The following HMCN1 variants were observed in gnomAD, a reference collection of about 807,000 sequenced individuals.
The protein encoded by HMCN1 is hemicentin 1.
In HMCN1, 321 loss-of-function variants were observed where a neutral mutation model predicts 625.9. The observed-to-expected ratio is 0.51, with a 90% confidence interval of 0.47 to 0.56. The LOEUF (loss-of-function observed/expected upper bound fraction) is 0.56, where lower values mean the gene tolerates loss of function less well. HMCN1 is among the 20% of genes least tolerant of loss of function. The probability of loss-of-function intolerance (pLI) is 0.00; values close to 1 mark genes in which losing one functional copy is unlikely to be tolerated. For missense variants in HMCN1, 6,588 were observed against 6,887.3 expected, an observed-to-expected ratio of 0.96 and a Z score of 1.54; for synonymous variants, 2,425 against 2,417.6, an observed-to-expected ratio of 1.00 and a Z score of -0.09.
rs187384863 is a variant in HMCN1, at chr1:186,147,793, A to C, written c.14608+1870A>C. Among the ~76,000 whole-genome samples the C allele has an allele frequency of 2.3e-3, 353 of 151,426 alleles. 4 individuals are homozygous for C. The highest frequency in any genetic ancestry group is 8.3e-3 in the African/African-American group (337 of 40,810). ...ATTTTAAAATACTTTATTGCTAAAA[A>C]ATGCTAATGATTATCTGAGCCTTCA... On this transcript the variant is annotated intron_variant, in intron 93 of 106. Coordinates refer to ENST00000271588, the MANE Select transcript of HMCN1 (RefSeq NM_031935.3).
intron 40 of HMCN1, among the ~76,000 whole-genome samples, chr1:186,045,138 GA>G (rs1450195497): frequency 6.6e-6 from 1 of 152,124 alleles, no homozygotes; most frequent in Non-Finnish European, 1.5e-5. Context: ...CTGCAAGTCA[GA>G]AGGCTCCTAG....
chr1:185,816,333 A>G lies in HMCN1; in HGVS notation c.269-29693A>G, dbSNP rs80221921. ...CTGGGTGTTGAAGTACTCAGGGACT[A>G]CTCTTTGTACTTTGGGGATGTTTGT... On this transcript the variant is annotated intron_variant, in intron 1 of 106. Coordinates refer to ENST00000271588, the MANE Select transcript of HMCN1 (RefSeq NM_031935.3). Among the ~76,000 whole-genome samples the G allele has an allele frequency of 2.0e-3, 302 of 152,262 alleles. 4 individuals are homozygous for G. Among genetic ancestry groups the G allele is most frequent in the African/African-American group, 7.1e-3 (295 of 41,558 alleles).
At chr1:185,736,789 T>G (rs1337827603) in intron 1 of HMCN1, among the ~76,000 whole-genome samples, 1 of 152,182 alleles carries the variant, frequency 6.6e-6, no homozygotes, top group Non-Finnish European at 1.5e-5. Context: ...GATTTAAAGT[T>G]GGGGAAACTT....
At chr1:185,938,408 T>C (rs1203610519) in intron 11 of HMCN1, among the ~76,000 whole-genome samples, 2 of 152,170 alleles carry the variant, frequency 1.3e-5, no homozygotes, top group Non-Finnish European at 2.9e-5. Context: ...TGACTTCTTA[T>C]GCTAAAAGTT....
In HMCN1 at chr1:186,046,405, G is replaced by C. The variant is rs1448995419; in HGVS notation, c.6480+542G>C. 3.9e-5 allele frequency among the ~76,000 whole-genome samples: 6 copies of C among 152,070 alleles called. No individual in the cohort carries two copies. In the East Asian group the frequency reaches 1.2e-3, roughly 29 times the overall value. The stretch of plus-strand genomic sequence containing the variant: ...AACTGCCTGAACCCGGGAGGTGGAG[G>C]TTGCAGTAAGCCAAGATCACACCAC... On this transcript the variant is annotated intron_variant, in intron 41 of 106. Transcript: ENST00000271588.
At position 185,781,661 on chromosome 1, in the gene HMCN1, A is replaced by G. The variant is rs553222116; in HGVS notation, c.268+46614A>G. Among the ~76,000 whole-genome samples the G allele has an allele frequency of 2.8e-4, 43 of 152,262 alleles. No homozygotes were observed. The South Asian group carries it at 8.7e-3, about 31-fold the overall frequency. ...GTTTCCATGTAGTTGAGCCATTTTG[A>G]GTGAGTTTCTTAATCCTGAGTTCTT... On this transcript the variant is annotated intron_variant, in intron 1 of 106. Transcript: ENST00000271588.
At chr1:185,846,398 G>A (rs1421449504) in intron 2 of HMCN1, among the ~76,000 whole-genome samples, 1 of 152,112 alleles carries the variant, frequency 6.6e-6, no homozygotes, top group East Asian at 1.9e-4. Context: ...GCTGACCCCT[G>A]CTCTACATAA....
rs1256636852 is a variant in HMCN1 at position 186,000,002 on chromosome 1, G to GT, written c.3875-38dup. On this transcript the variant is annotated intron_variant, in intron 25 of 106. Coordinates refer to ENST00000271588, the MANE Select transcript of HMCN1 (RefSeq NM_031935.3). Reference sequence around the variant, plus strand: ...ATATATTTGATATTTAATAATTTCTGTTTTTGTTGTAAAATATCACAAGAC... The same window carrying GT: ...ATATATTTGATATTTAATAATTTCTGTTTTTTGTTGTAAAATATCACAAGAC... 3 of 1,372,788 alleles carry GT rather than the reference G, an allele frequency of 2.2e-6. No homozygotes were observed. The South Asian group carries it at 3.7e-5, about 17-fold the overall frequency. 85.0% of individuals were successfully genotyped at this position (1,372,788 alleles called of 1,614,324 possible).
At chr1:185,921,448 T>C (rs1667000651) in intron 6 of HMCN1, among the ~76,000 whole-genome samples, 1 of 152,208 alleles carries the variant, frequency 6.6e-6, no homozygotes, top group Admixed American at 6.5e-5. Context: ...CTGGTAACCA[T>C]GGTGTGTGAA....
At chr1:185,836,227 C>G (rs1661166011) in intron 1 of HMCN1, among the ~76,000 whole-genome samples, 1 of 152,034 alleles carries the variant, frequency 6.6e-6, no homozygotes, top group Admixed American at 6.6e-5. Context: ...CAACATGAAG[C>G]TTGTATGTGA....
chr1:185,911,334 T>G (rs1436400015), intron 5 of HMCN1, among the ~76,000 whole-genome samples: 2 of 152,174 alleles, frequency 1.3e-5, no homozygotes, highest in African/African-American at 2.4e-5. Flanking sequence ...CATTTGATGA[T>G]CAAGTCAGCA....
At position 186,190,325 on chromosome 1, in the gene HMCN1, T is replaced by TAAC. The variant is rs1653642984; in HGVS notation, c.*448_*450dup. The TAAC allele has an allele frequency of 4.6e-6, 1 of 215,382 alleles. No individual in the cohort carries two copies. 13.3% of individuals were successfully genotyped at this position (215,382 alleles called of 1,614,324 possible). ...AGTATTTTGATCAAAGCTTATAAAA[T>TAAC]AACTTACGGAGATTTTTGTAAGTAT... On this transcript the variant is annotated 3_prime_UTR_variant, in exon 107 of 107. Coordinates refer to ENST00000271588, the MANE Select transcript of HMCN1 (RefSeq NM_031935.3).
intron 24 of HMCN1, among the ~76,000 whole-genome samples, chr1:185,996,137 A>T (rs186774631): frequency 5.3e-5 from 8 of 152,300 alleles, no homozygotes; most frequent in Admixed American, 4.6e-4. Flanking sequence ...ATGTAATTAG[A>T]CATTGGTTAT....
At chr1:185,745,953 A>G (rs1284986775) in intron 1 of HMCN1, among the ~76,000 whole-genome samples, 2 of 152,386 alleles carry the variant, frequency 1.3e-5, no homozygotes, top group African/African-American at 4.8e-5. Context: ...AGGGAAGTTC[A>G]TTATGGACTC....
At chr1:186,070,886 C>T in intron 52 of HMCN1, 129 bp downstream of exon 52, 1 of 914,612 alleles carries the variant, frequency 1.1e-6, no homozygotes, top group South Asian at 1.5e-5. Context: ...AAATGCCATG[C>T]TCCTAGAATC....
At chr1:185,853,043 G>C (rs2102332734) in intron 2 of HMCN1, among the ~76,000 whole-genome samples, 1 of 152,068 alleles carries the variant, frequency 6.6e-6, no homozygotes, top group East Asian at 1.9e-4. Context: ...TTCCTTTATT[G>C]CTTCGCTACT....
At chr1:185,849,038 A>G (rs577399238) in intron 2 of HMCN1, among the ~76,000 whole-genome samples, 14 of 152,228 alleles carry the variant, frequency 9.2e-5, no homozygotes, top group South Asian at 4.1e-4. Flanking sequence ...GCCTTGTACC[A>G]TATCTACTTG....
intron 20 of HMCN1, 25 bp from the exon 21 acceptor site, chr1:185,989,436 TTGAAACAAACAAACAAACAAAAAACCC>T (rs1652249595): frequency 1.2e-6 from 2 of 1,603,418 alleles, no homozygotes; most frequent in East Asian, 4.5e-5. Flanking sequence ...TTTTATAATC[TTGAAACAAACAAACAAACAAAAAACCC>T]TTTGCTTTTC....
At chr1:186,162,038 C>CA (rs1334081619) in intron 97 of HMCN1, among the ~76,000 whole-genome samples, 2 of 152,208 alleles carry the variant, frequency 1.3e-5, no homozygotes, top group African/African-American at 4.8e-5. Context: ...CCCTTCTCCC[C>CA]ATCACTTTCA....
Sources: allele counts gnomAD v4.1 joint callset (sites outside exome capture counted in the v4.1 genomes callset), GRCh38; gene constraint gnomAD v4.1.1; transcripts MANE v1.5; gene names NCBI Gene and HGNC (gene_info 2026-07-23, HGNC 2026-07-21).